NOX4: variants seen among roughly 807,000 people sequenced by gnomAD.
NOX4 encodes kidney oxidase-1.
A neutral mutation model predicts 87.6 loss-of-function variants in NOX4; 69 were observed. The observed-to-expected ratio is 0.79, with a 90% confidence interval of 0.65 to 0.96. The LOEUF is 0.96. NOX4 is among the 40% of genes least tolerant of loss of function. The pLI is 0.00. For synonymous variants in NOX4, 275 were observed against 238.2 expected (o/e 1.15, Z -1.42); for missense variants, 680 against 681.5 (o/e 1.00, Z 0.02).
chr11:89,332,045 T>G (rs544416615), intron 17 of NOX4, among the ~76,000 whole-genome samples: 1 of 151,820 alleles, frequency 6.6e-6, no homozygotes, highest in East Asian at 1.9e-4. Flanking sequence ...TGGAGGTAGA[T>G]TCGGGTACTA....
At chr11:89,424,164 T>C (rs959990058) in intron 7 of NOX4, among the ~76,000 whole-genome samples, 7 of 152,072 alleles carry the variant, frequency 4.6e-5, no homozygotes, top group Admixed American at 3.9e-4. Context: ...TTAGTGAACA[T>C]ATATCTTTTG....
intron 12 of NOX4, among the ~76,000 whole-genome samples, chr11:89,371,691 A>C (rs528194062): frequency 3.5e-4 from 53 of 151,930 alleles, no homozygotes; most frequent in African/African-American, 1.2e-3. Context: ...GAAAAAAAAA[A>C]CACTGTGATA....
At chr11:89,529,080 T>TA in the NOX4 span, among the ~76,000 whole-genome samples, 21 of 150,982 alleles carry the variant, frequency 1.4e-4, no homozygotes, top group Middle Eastern at 3.4e-3. Context: ...GAGAAAGAAT[T>TA]AAAAAAAAAG....
At chr11:89,465,218 A>T (rs1377361325) in intron 2 of NOX4, among the ~76,000 whole-genome samples, 1 of 151,838 alleles carries the variant, frequency 6.6e-6, no homozygotes, top group Non-Finnish European at 1.5e-5. Flanking sequence ...CCCATCTATG[A>T]GTGATAACAT....
chr11:89,422,589 A>C (rs374498547), intron 7 of NOX4, among the ~76,000 whole-genome samples: 188 of 152,204 alleles, frequency 1.2e-3, no homozygotes, highest in South Asian at 9.1e-3. Context: ...TATTTCATAT[A>C]TCCTGGGTGG....
chr11:89,426,398 C>T (rs570458417), intron 7 of NOX4, among the ~76,000 whole-genome samples: 3 of 151,888 alleles, frequency 2.0e-5, no homozygotes, highest in East Asian at 3.9e-4. Flanking sequence ...TACAGCCCAC[C>T]GAGCATGAGC....
the NOX4 span, among the ~76,000 whole-genome samples, chr11:89,505,362 A>G: frequency 1.3e-5 from 2 of 151,972 alleles, no homozygotes; most frequent in East Asian, 3.9e-4. Flanking sequence ...AAATAAATTA[A>G]CATATAATTA....
At chr11:89,509,222 A>C in the NOX4 span, among the ~76,000 whole-genome samples, 1 of 137,398 alleles carries the variant, frequency 7.3e-6, no homozygotes, top group Admixed American at 7.8e-5. Context: ...GAAGTTCAAA[A>C]GAAACAATAT....
intron 7 of NOX4, among the ~76,000 whole-genome samples, chr11:89,431,638 A>G (rs1289445376): frequency 6.6e-6 from 1 of 152,206 alleles, no homozygotes; most frequent in African/African-American, 2.4e-5. Context: ...ATGCAAATCA[A>G]AACCACAATG....
intron 15 of NOX4, among the ~76,000 whole-genome samples, 189 bp downstream of exon 15, chr11:89,339,874 T>G (rs1331379454): frequency 6.6e-6 from 1 of 152,142 alleles, no homozygotes; most frequent in Non-Finnish European, 1.5e-5. Context: ...TCTGAAAAGA[T>G]GTGTGTCTAA....
At chr11:89,396,184 C>A (rs973395148) in intron 11 of NOX4, among the ~76,000 whole-genome samples, 6 of 152,018 alleles carry the variant, frequency 3.9e-5, no homozygotes, top group African/African-American at 1.4e-4. Context: ...TTTTGTTGAG[C>A]AGTGGTTTGT....
chr11:89,458,316 T>G (rs912683694), intron 2 of NOX4, among the ~76,000 whole-genome samples: 1 of 152,116 alleles, frequency 6.6e-6, no homozygotes, highest in African/African-American at 2.4e-5. Flanking sequence ...TAATTCAAGA[T>G]GAATGAAAGA....
intron 11 of NOX4, among the ~76,000 whole-genome samples, chr11:89,391,945 CCCCTTCTCCT>C (rs968053186): frequency 4.7e-5 from 7 of 148,636 alleles, no homozygotes; most frequent in African/African-American, 1.7e-4. Flanking sequence ...CCTTCCCCTT[CCCCTTCTCCT>C]TCCTTCCTTC....
At chr11:89,449,942 A>AAT (rs1408446613) in intron 3 of NOX4, among the ~76,000 whole-genome samples, 1 of 152,172 alleles carries the variant, frequency 6.6e-6, no homozygotes, top group Non-Finnish European at 1.5e-5. Flanking sequence ...TAAGTTTTAA[A>AAT]ATATATATGA....
chr11:89,342,012 G>T, intron 14 of NOX4, 62 bp downstream of exon 14: 1 of 1,328,570 alleles, frequency 7.5e-7, no homozygotes, highest in Non-Finnish European at 1.0e-6. Flanking sequence ...ACTAAAAAGA[G>T]AGATATCAGA....
chr11:89,522,322 C>T, the NOX4 span, among the ~76,000 whole-genome samples: 26 of 152,264 alleles, frequency 1.7e-4, no homozygotes, highest in African/African-American at 6.0e-4. Context: ...CCATCAAATA[C>T]TATGCAGCCA....
At chr11:89,376,320 G>A (rs182095271) in intron 11 of NOX4, among the ~76,000 whole-genome samples, 179 of 152,296 alleles carry the variant, frequency 1.2e-3, no homozygotes, top group African/African-American at 4.0e-3. Context: ...GTTTGAAAAC[G>A]TGAATGAAGA....
chr11:89,363,039 T>C (rs1276541947), intron 12 of NOX4, among the ~76,000 whole-genome samples: 2 of 152,136 alleles, frequency 1.3e-5, no homozygotes, highest in African/African-American at 4.8e-5. Context: ...TTCTTTCCTT[T>C]TTTAAATAAT....
intron 2 of NOX4, among the ~76,000 whole-genome samples, chr11:89,481,103 C>T (rs1946372498): frequency 6.6e-6 from 1 of 152,142 alleles, no homozygotes; most frequent in South Asian, 2.1e-4. Flanking sequence ...CATCATCAAA[C>T]AGCCATTTAT....
Sources: allele counts gnomAD v4.1 joint callset (sites outside exome capture counted in the v4.1 genomes callset), GRCh38; gene constraint gnomAD v4.1.1; transcripts MANE v1.5; gene names NCBI Gene and HGNC (gene_info 2026-07-23, HGNC 2026-07-21).